OTOG: variants seen among roughly 807,000 people sequenced by gnomAD.
OTOG encodes otogelin.
In OTOG, 296 loss-of-function variants were observed where a neutral mutation model predicts 313.8. The observed-to-expected ratio is 0.94, with a 90% CI of 0.86 to 1.04. OTOG has a LOEUF of 1.04. Among genes scored for constraint, OTOG ranks in the 50% least tolerant of loss-of-function variants. The pLI, the probability that OTOG is intolerant of heterozygous loss-of-function variation, is 0.00. For missense variants in OTOG, 3,948 were observed against 3,840.1 expected (o/e 1.03, Z -0.74); for synonymous variants, 1,533 against 1,554.9 (o/e 0.99, Z 0.33).
rs776439847 is a variant in OTOG, at chr11:17,639,486, A to G, written c.7935+23A>G. On this transcript the variant is annotated intron_variant, in intron 49 of 55. Transcript: ENST00000399397. ...CTGGTATGGAGACGCTCCTCCCCCA[A>G]CACTCCCTGGTCTGCTCCCCTTTCC... The G allele has an allele frequency of 4.5e-6, 7 of 1,549,516 alleles. No homozygotes were observed. In the South Asian group the frequency reaches 6.0e-5, roughly 13 times the overall value.
In OTOG at chr11:17,642,180, C is replaced by T. The variant is rs1364114452; in HGVS notation, c.8349C>T (p.Pro2783=). 6.5e-7 allele frequency: 1 copy of T among 1,550,196 alleles called. No homozygotes were observed. The highest frequency in any genetic ancestry group is 2.4e-5 in the East Asian group (1 of 40,922). The change falls in exon 53 of 56, where the codon CCC becomes CCT. Residue 2783 remains proline, a synonymous_variant. Coordinates refer to ENST00000399397, the MANE Select transcript of OTOG (RefSeq NM_001292063.2). ...CCCGCCACCACTGCAGCAGCACGCC[C>T]CTGGGTGCCGTGCTGGTCCGCTCTC... is the stretch of plus-strand genomic sequence containing the variant. ...DCARHHCSST[P]LGAVLVRSPI...
At chr11:17,599,950 G>T (rs1402580991) in intron 31 of OTOG, among the ~76,000 whole-genome samples, 1 of 152,178 alleles carries the variant, frequency 6.6e-6, no homozygotes, top group Non-Finnish European at 1.5e-5. Context: ...ACTGTGCTCG[G>T]CAGGGCAGCC....
At chr11:17,602,850 C>T (rs1174997084) in intron 32 of OTOG, among the ~76,000 whole-genome samples, 1 of 152,212 alleles carries the variant, frequency 6.6e-6, no homozygotes, top group African/African-American at 2.4e-5. Flanking sequence ...GACAAGGTCC[C>T]TGCCCATCAG....
In OTOG at chr11:17,557,171, A is replaced by G. The variant is rs960695138; in HGVS notation, c.713A>G (p.Tyr238Cys). ...GCGCGTCTGCAGCAGCTTGCCGGCT[A>G]TGTCATCGTGCGGCATCAGTCAGCC... ...GSARLQQLAGYVIVRHQSAFT... is the reference protein window; with the variant it reads ...GSARLQQLAGCVIVRHQSAFT... Residue 238 changes from tyrosine to cysteine, a missense_variant, in exon 8 of 56, where the codon TAT becomes TGT. Coordinates refer to ENST00000399397, the MANE Select transcript of OTOG (RefSeq NM_001292063.2). The G allele has an allele frequency of 6.4e-6, 10 of 1,550,622 alleles. No homozygotes were observed. Among genetic ancestry groups the G allele is most frequent in the Non-Finnish European group, 8.7e-6 (10 of 1,147,010 alleles).
At chr11:17,617,144 T>A (rs1431335471) in intron 39 of OTOG, among the ~76,000 whole-genome samples, 1 of 152,234 alleles carries the variant, frequency 6.6e-6, no homozygotes, top group Non-Finnish European at 1.5e-5. Context: ...CATTATTAAT[T>A]TGATGAATTA....
chr11:17,622,833 C>T (rs1369755888), intron 39 of OTOG, among the ~76,000 whole-genome samples: 8 of 152,168 alleles, frequency 5.3e-5, no homozygotes, highest in Admixed American at 1.3e-4. Context: ...GATATCACTT[C>T]GATATACGGA....
chr11:17,596,826 A>T, intron 29 of OTOG, 25 bp from the exon 30 acceptor site: 2 of 1,545,810 alleles, frequency 1.3e-6, no homozygotes, highest in East Asian at 4.9e-5. Flanking sequence ...CTGTCCTCTG[A>T]CCTCTAACTT....
At chr11:17,612,582 C>T (rs1435843212) in intron 37 of OTOG, 38 bp from the exon 38 acceptor site, 1 of 1,535,696 alleles carries the variant, frequency 6.5e-7, no homozygotes, top group Non-Finnish European at 8.8e-7. Context: ...GTCTTGGAGG[C>T]ATCCACCTAT....
Position 17,553,476 on chromosome 11 carries a change from T to G in OTOG, c.497T>G (p.Leu166Arg). The change falls in exon 6 of 56, where the codon CTG becomes CGG. Residue 166 changes from leucine (L) to arginine (R), a missense_variant. Coordinates refer to ENST00000399397, the MANE Select transcript of OTOG (RefSeq NM_001292063.2). The stretch of plus-strand genomic sequence containing the variant: ...CTCTCCGGAAAGGGCAGCTACACCC[T>G]GGTGGGTCGCCATGAGCCCGAGGGA... ...YYLSGKGSYT[L>R]VGRHEPEGQS... The G allele has an allele frequency of 6.9e-7, 1 of 1,458,248 alleles. No homozygotes were observed. The highest frequency in any genetic ancestry group is 2.5e-5 in the East Asian group (1 of 39,832). The allele number at this position is 1,458,248 out of a possible 1,614,324, so 90.3% of individuals were successfully genotyped here. A position where few individuals can be genotyped will look rare whatever the true frequency, so the allele number is the denominator to read the frequency against.
Position 17,641,021 on chromosome 11 carries a change from T to G in OTOG, c.8120T>G (p.Val2707Gly). 9.7e-6 allele frequency: 15 copies of G among 1,544,744 alleles called. No individual in the cohort carries two copies. Among genetic ancestry groups the G allele is most frequent in the Non-Finnish European group, 1.3e-5 (15 of 1,145,120 alleles). ...GVCHTSRCTT[V>G]LDPLTNFYQI... is the part of the protein sequence containing the mutation. Reference sequence around the variant, plus strand: ...TGCCACACCTCCCGCTGCACCACCGTGCTCGACCCTCTCACCAACTTCTAC... The same window carrying G: ...TGCCACACCTCCCGCTGCACCACCGGGCTCGACCCTCTCACCAACTTCTAC... The change falls in exon 51 of 56, where the codon GTG (valine) becomes GGG (glycine). Residue 2707 changes from valine (V) to glycine (G), a missense_variant. Transcript: ENST00000399397.
At position 17,547,387 on chromosome 11, in the gene OTOG, G is replaced by A. The variant is rs770222544; in HGVS notation, c.15G>A (p.Ala5=). MGVL[A]SALCWLLCVW... is the part of the protein sequence containing the mutation. Reference sequence around the variant, plus strand: ...CTCGTGTCCCTATGGGAGTCCTGGCGTCTGCGCTCTGCTGGCTGCTTTGTG... The same window carrying A: ...CTCGTGTCCCTATGGGAGTCCTGGCATCTGCGCTCTGCTGGCTGCTTTGTG... Residue 5 remains alanine, a synonymous_variant, in exon 1 of 56, where the codon GCG becomes GCA. Transcript: ENST00000399397. 4.3e-5 allele frequency: 61 copies of A among 1,413,966 alleles called. 1 individual carries two copies. The South Asian group carries it at 4.6e-4, about 11-fold the overall frequency. The allele number at this position is 1,413,966 out of a possible 1,614,324, so 87.6% of individuals were successfully genotyped here. A position where few individuals can be genotyped will look rare whatever the true frequency, so the allele number is the denominator to read the frequency against.
chr11:17,572,031 CT>C, intron 17 of OTOG, 48 bp from the exon 18 acceptor site: 4 of 1,548,532 alleles, frequency 2.6e-6, no homozygotes, highest in Non-Finnish European at 2.6e-6. Flanking sequence ...TTTGTGCCCC[CT>C]GAGTCCACAG....
chr11:17,565,779 G>C (rs1187794732), intron 15 of OTOG, among the ~76,000 whole-genome samples: 1 of 152,100 alleles, frequency 6.6e-6, no homozygotes. Context: ...GTTGACTCCT[G>C]TGTCCCTTTG....
intron 48 of OTOG, 25 bp downstream of exon 48, chr11:17,638,574 C>A (rs955952634): frequency 6.5e-7 from 1 of 1,544,658 alleles, no homozygotes; most frequent in Non-Finnish European, 8.8e-7. Context: ...AGGACAGCCT[C>A]CCCGCTGGGA....
Position 17,602,332 on chromosome 11 carries a change from G to A in OTOG, c.3832G>A (p.Val1278Met), listed in dbSNP as rs1172887151. The part of the protein sequence containing the change: ...RTEDVAPADI[V>M]SFLLTAALYK... ...AGAGGATGTGGCGCCAGCAGACATT[G>A]TGAGCTTCCTGCTGACAGCTGCTCT... The change falls in exon 32 of 56, where the codon GTG becomes ATG. Residue 1278 changes from valine (V) to methionine (M), a missense_variant. Val to Met is a conservative substitution (Grantham distance 21, BLOSUM62 1). Coordinates refer to ENST00000399397, the MANE Select transcript of OTOG (RefSeq NM_001292063.2). The A allele has an allele frequency of 1.9e-6, 3 of 1,550,462 alleles. No individual in the cohort carries two copies. The East Asian group carries it at 7.3e-5, about 38-fold the overall frequency.
At chr11:17,575,810 G>A (rs1423009472) in intron 20 of OTOG, among the ~76,000 whole-genome samples, 4 of 152,162 alleles carry the variant, frequency 2.6e-5, no homozygotes, top group African/African-American at 4.8e-5. Flanking sequence ...TGTTGCCAAC[G>A]AAAGGGGTCT....
At position 17,638,524 on chromosome 11, in the gene OTOG, C is replaced by T. The variant is rs964093864; in HGVS notation, c.7869C>T (p.Asp2623=). ...CCCTGGTGGAGGTGTGGAGCCCCGACCGCTGCTGCCCCTACAAATCCTGTG... is the reference window on the plus strand; with the variant it reads ...CCCTGGTGGAGGTGTGGAGCCCCGATCGCTGCTGCCCCTACAAATCCTGTG... ...GTALVEVWSP[D]RCCPYKSCEC... Residue 2623 remains aspartate, a synonymous_variant, in exon 48 of 56, where the codon GAC becomes GAT. Transcript: ENST00000399397. 2 of 1,550,492 alleles carry T rather than the reference C, an allele frequency of 1.3e-6. No homozygotes were observed. Among genetic ancestry groups the T allele is most frequent in the South Asian group, 2.4e-5 (2 of 84,066 alleles).
Position 17,610,877 on chromosome 11 carries a change from G to T in OTOG, c.5577G>T (p.Ala1859=), listed in dbSNP as rs754862622. 5.2e-6 allele frequency: 8 copies of T among 1,550,676 alleles called. No homozygotes were observed. Among genetic ancestry groups the T allele is most frequent in the South Asian group, 1.2e-5 (1 of 84,048 alleles). The change falls in exon 36 of 56, where the codon GCG becomes GCT. Residue 1859 remains alanine (A), a synonymous_variant. Coordinates refer to ENST00000399397, the MANE Select transcript of OTOG (RefSeq NM_001292063.2). The stretch of plus-strand genomic sequence containing the variant: ...TCACTCCAGCAGCAATGACCCAGGC[G>T]CACCCACCCACTCACATAGCACCCC... ...LPFTPAAMTQ[A]HPPTHIAPPA...
Position 17,593,222 on chromosome 11 carries a change from T to A in OTOG, c.3036T>A (p.Ile1012=), listed in dbSNP as rs1161245044. 1 of 1,550,004 alleles carries A rather than the reference T, an allele frequency of 6.5e-7. No individual in the cohort carries two copies. The highest frequency in any genetic ancestry group is 8.7e-7 in the Non-Finnish European group (1 of 1,146,416). ...KSTSDVSFSV[I]VENVNCYSSG... ...CATCAGATGTCAGCTTCTCTGTGAT[T>A]GTAGAGAATGTGAACTGCTACAGCT... is the stretch of plus-strand genomic sequence containing the variant. The change falls in exon 26 of 56, where the codon ATT becomes ATA. Residue 1012 remains isoleucine (I), a synonymous_variant. Coordinates refer to ENST00000399397, the MANE Select transcript of OTOG (RefSeq NM_001292063.2).
Sources: allele counts gnomAD v4.1 joint callset (sites outside exome capture counted in the v4.1 genomes callset), GRCh38; gene constraint gnomAD v4.1.1; transcripts MANE v1.5; gene names NCBI Gene and HGNC (gene_info 2026-07-23, HGNC 2026-07-21).